The following KIF14 variants were observed in gnomAD, a reference collection of about 807,000 sequenced individuals.
KIF14 encodes the protein kinesin-like protein KIF14.
A neutral mutation model predicts 176.2 loss-of-function variants in KIF14; 98 were observed. The ratio of observed to expected loss-of-function variants is 0.56; its 90% confidence interval spans 0.47 to 0.66. KIF14 has a LOEUF of 0.66. Among genes scored for constraint, KIF14 ranks in the 30% least tolerant of loss-of-function variants. The pLI, the probability that KIF14 is intolerant of heterozygous loss-of-function variation, is 0.00. For missense variants in KIF14, 1,751 were observed against 1,920.4 expected (o/e 0.91, Z 1.65); for synonymous variants, 566 against 632.2 (o/e 0.90, Z 1.57).
chr1:200,599,437 C>T (rs1272202120), intron 13 of KIF14, among the ~76,000 whole-genome samples: 1 of 152,154 alleles, frequency 6.6e-6, no homozygotes, highest in African/African-American at 2.4e-5. Context: ...TAAAATCTTA[C>T]CCAAACTTCA....
At chr1:200,593,834 T>C (rs1235607836) in intron 14 of KIF14, 65 bp from the exon 15 acceptor site, 8 of 905,856 alleles carry the variant, frequency 8.8e-6, no homozygotes, top group Admixed American at 1.8e-5. Context: ...AAAAAGGCAA[T>C]ATGGGATAAT....
intron 16 of KIF14, 93 bp from the exon 17 acceptor site, chr1:200,590,365 T>A: frequency 9.0e-7 from 1 of 1,110,368 alleles, no homozygotes; most frequent in Non-Finnish European, 1.2e-6. Flanking sequence ...TTCCATTGAA[T>A]GAAAGTTTCA....
chr1:200,588,286 G>A (rs1458087825), intron 18 of KIF14, among the ~76,000 whole-genome samples: 1 of 151,076 alleles, frequency 6.6e-6, no homozygotes, highest in Non-Finnish European at 1.5e-5. Context: ...CTGTCACCAG[G>A]CTGGAGTGCA....
At chr1:200,619,793 T>A (rs1455090326) in intron 1 of KIF14, among the ~76,000 whole-genome samples, 1 of 152,190 alleles carries the variant, frequency 6.6e-6, no homozygotes, top group Non-Finnish European at 1.5e-5. Flanking sequence ...CAAGATTAGA[T>A]AAACAGACAA....
chr1:200,565,728 TA>T (rs1553254495), intron 23 of KIF14, 59 bp from the exon 24 acceptor site: 2 of 1,098,586 alleles, frequency 1.8e-6, no homozygotes, highest in Admixed American at 2.7e-5. Flanking sequence ...CTTTCTTTTT[TA>T]AAAAAAGGGA....
At chr1:200,610,310 C>T (rs897389202) in intron 4 of KIF14, among the ~76,000 whole-genome samples, 5 of 151,980 alleles carry the variant, frequency 3.3e-5, no homozygotes, top group Non-Finnish European at 7.4e-5. Context: ...ACCATCCTGG[C>T]TAACACGGTG....
rs1659723292 is a variant in KIF14 at position 200,603,442 on chromosome 1, AC to A, written c.1864-102del. On this transcript the variant is annotated intron_variant, in intron 9 of 29. Coordinates refer to ENST00000367350, the MANE Select transcript of KIF14 (RefSeq NM_014875.3). The stretch of plus-strand genomic sequence containing the variant: ...CCCCTCATATAATTACTGAGTAAAT[AC>A]TTTTTTACTTTCTTTTTTTTTGAGA... 39 of 636,328 alleles carry A rather than the reference AC, an allele frequency of 6.1e-5. No homozygotes were observed. In the South Asian group the frequency reaches 7.5e-4, roughly 12 times the overall value. 39.4% of individuals were successfully genotyped at this position (636,328 alleles called of 1,614,324 possible).
At chr1:200,592,450 A>G (rs1659102362) in intron 15 of KIF14, among the ~76,000 whole-genome samples, 1 of 152,134 alleles carries the variant, frequency 6.6e-6, no homozygotes, top group Non-Finnish European at 1.5e-5. Flanking sequence ...ATCTCAGCTC[A>G]CTGCAACCTC....
intron 13 of KIF14, among the ~76,000 whole-genome samples, chr1:200,598,711 A>C (rs1659487174): frequency 6.6e-6 from 1 of 152,108 alleles, no homozygotes; most frequent in Non-Finnish European, 1.5e-5. Context: ...GGCGCATGCC[A>C]CCACGCCCGG....
Position 200,600,093 on chromosome 1 carries a change from T to G in KIF14, c.2321A>C (p.Glu774Ala). Residue 774 changes from glutamate to alanine, a missense_variant, in exon 13 of 30, where the codon GAA becomes GCA. Transcript: ENST00000367350. ...EMQRVWKEKF[E>A]QAEKRKLQET... ...TTGAAGTTTTCTTTTTTCAGCTTGTTCAAACTTTTCTTTCCACACTCTTTC... is the reference window on the plus strand; with the variant it reads ...TTGAAGTTTTCTTTTTTCAGCTTGTGCAAACTTTTCTTTCCACACTCTTTC... The G allele has an allele frequency of 6.2e-7, 1 of 1,600,332 alleles. No homozygotes were observed. The highest frequency in any genetic ancestry group is 8.5e-7 in the Non-Finnish European group (1 of 1,169,692).
At position 200,552,974 on chromosome 1, in the gene KIF14, C is replaced by T. The variant is rs565908404; in HGVS notation, c.*414G>A. ...TTATTTATTTATTTTGACTAAGTCT[C>T]GTTCTGTTGCTCAGACTGGAGTAAA... On this transcript the variant is annotated 3_prime_UTR_variant, in exon 30 of 30. Transcript: ENST00000367350. The T allele has an allele frequency of 6.6e-6, 1 of 151,776 alleles. No homozygotes were observed. The highest frequency in any genetic ancestry group is 1.5e-5 in the Non-Finnish European group (1 of 68,018). 9.4% of individuals were successfully genotyped at this position (151,776 alleles called of 1,614,324 possible). A position where few individuals can be genotyped will look rare whatever the true frequency, so the allele number is the denominator to read the frequency against.
At chr1:200,582,632 C>T (rs1211308483) in intron 19 of KIF14, among the ~76,000 whole-genome samples, 2 of 152,110 alleles carry the variant, frequency 1.3e-5, no homozygotes, top group African/African-American at 4.8e-5. Flanking sequence ...GGTGGATCAC[C>T]TGAGGTCAGG....
At position 200,569,956 on chromosome 1, in the gene KIF14, T is replaced by C; in HGVS notation, c.3616A>G (p.Ile1206Val). 6.2e-7 allele frequency: 1 copy of C among 1,605,514 alleles called. No individual in the cohort carries two copies. Among genetic ancestry groups the C allele is most frequent in the Non-Finnish European group, 8.5e-7 (1 of 1,174,364 alleles). Residue 1206 changes from isoleucine (I) to valine (V), a missense_variant, in exon 23 of 30, where the codon ATA becomes GTA. Coordinates refer to ENST00000367350, the MANE Select transcript of KIF14 (RefSeq NM_014875.3). ...AAATTCTTAATTGGATGGACTTGTA[T>C]GTCATGTAAACAACCAGAAATTCTT... ...NRRISGCLHD[I>V]QVHPIKNLHS...
chr1:200,568,403 T>C (rs1657585933), intron 23 of KIF14, among the ~76,000 whole-genome samples: 1 of 152,236 alleles, frequency 6.6e-6, no homozygotes, highest in Non-Finnish European at 1.5e-5. Flanking sequence ...AGTAGGATCA[T>C]AATTATCTTC....
chr1:200,606,025 A>G (rs926317852), intron 6 of KIF14, 131 bp from the exon 7 acceptor site: 30 of 464,314 alleles, frequency 6.5e-5, no homozygotes, highest in Middle Eastern at 5.6e-4. Context: ...ATATTATTTT[A>G]TTGATTCTCC....
At chr1:200,572,581 G>T (rs1657865887) in intron 22 of KIF14, among the ~76,000 whole-genome samples, 1 of 152,114 alleles carries the variant, frequency 6.6e-6, no homozygotes, top group Non-Finnish European at 1.5e-5. Context: ...CTGACCTTGT[G>T]ATCCGCCCAC....
chr1:200,618,501 T>C lies in KIF14; in HGVS notation c.223A>G (p.Thr75Ala). ...TTAGGGGTAAGGGGCATGTCTGCTG[T>C]TTTTCTACTGGCAGAAATAACATAA... ...RTYVISASRKTADMPLTPNPV... is the reference protein window; with the variant it reads ...RTYVISASRKAADMPLTPNPV... Residue 75 changes from threonine (T) to alanine (A), a missense_variant, in exon 2 of 30, where the codon ACA becomes GCA. Physicochemically the swap from Thr to Ala is moderately conservative, Grantham distance 58. Coordinates refer to ENST00000367350, the MANE Select transcript of KIF14 (RefSeq NM_014875.3). 2 of 1,614,104 alleles carry C rather than the reference T, an allele frequency of 1.2e-6. No homozygotes were observed. Among genetic ancestry groups the C allele is most frequent in the Non-Finnish European group, 1.7e-6 (2 of 1,179,948 alleles).
intron 16 of KIF14, among the ~76,000 whole-genome samples, chr1:200,590,958 G>A (rs190231949): frequency 7.9e-5 from 12 of 152,000 alleles, no homozygotes; most frequent in Admixed American, 7.2e-4. Context: ...GCCAGGAGGT[G>A]GAAGTTGCAA....
chr1:200,599,415 T>C (rs558139161), intron 13 of KIF14, among the ~76,000 whole-genome samples: 47 of 152,344 alleles, frequency 3.1e-4, no homozygotes, highest in African/African-American at 1.1e-3. Context: ...GCTCTTCCTT[T>C]TCTCTTCCTA....
Sources: allele counts gnomAD v4.1 joint callset (sites outside exome capture counted in the v4.1 genomes callset), GRCh38; gene constraint gnomAD v4.1.1; transcripts MANE v1.5; gene names NCBI Gene and HGNC (gene_info 2026-07-23, HGNC 2026-07-21).